MCTP2: variants seen among roughly 807,000 people sequenced by gnomAD.
MCTP2 encodes multiple C2 and transmembrane domain containing 2.
MCTP2 carries 132 observed loss-of-function variants against 111.6 expected under a neutral mutation model. That is an observed-to-expected ratio of 1.18 (90% CI 1.03 to 1.37). The LOEUF (loss-of-function observed/expected upper bound fraction) is 1.37. Ranked by LOEUF, MCTP2 falls within the 40% of genes most tolerant of loss-of-function variation. The probability of loss-of-function intolerance (pLI) is 0.00; values close to 1 mark genes in which losing one functional copy is unlikely to be tolerated. For missense variants in MCTP2, 1,183 were observed against 1,067.9 expected (o/e 1.11, Z -1.50); for synonymous variants, 395 against 387.7 (o/e 1.02, Z -0.22).
chr15:94,395,270 A>G (rs577555032), intron 14 of MCTP2, among the ~76,000 whole-genome samples: 32 of 152,366 alleles, frequency 2.1e-4, no homozygotes, highest in Admixed American at 6.5e-4. Context: ...TGCAGAGTGA[A>G]TAAGAGTGAA....
chr15:94,334,867 A>G (rs1460611010), intron 4 of MCTP2, among the ~76,000 whole-genome samples: 1 of 152,138 alleles, frequency 6.6e-6, no homozygotes, highest in Non-Finnish European at 1.5e-5. Flanking sequence ...TCTGTACTGC[A>G]TTTCTTAACA....
Position 94,482,368 on chromosome 15 carries a change from T to C in MCTP2, c.*3334T>C, listed in dbSNP as rs149134598. On this transcript the variant is annotated 3_prime_UTR_variant, in exon 23 of 23. Coordinates refer to ENST00000357742, the MANE Select transcript of MCTP2 (RefSeq NM_001385001.1). The stretch of plus-strand genomic sequence containing the variant: ...GGCACTGGGAAAAAAGTAAGTAGAA[T>C]TGAGAGATGGTGAAGAGATAAAGTG... 5.3e-5 allele frequency: 8 copies of C among 152,278 alleles called. No homozygotes were observed. The highest frequency in any genetic ancestry group is 1.3e-4 in the Admixed American group (2 of 15,294). The allele number at this position is 152,278 out of a possible 1,614,324, so 9.4% of individuals were successfully genotyped here. A position where few individuals can be genotyped will look rare whatever the true frequency, so the allele number is the denominator to read the frequency against.
intron 2 of MCTP2, among the ~76,000 whole-genome samples, chr15:94,305,138 G>GCC (rs2075819977): frequency 6.6e-6 from 1 of 152,048 alleles, no homozygotes; most frequent in South Asian, 2.1e-4. Flanking sequence ...CCTTTAGGAG[G>GCC]TGATTAAGGA....
At chr15:94,295,377 C>T (rs529858970) in intron 1 of MCTP2, among the ~76,000 whole-genome samples, 41 of 152,244 alleles carry the variant, frequency 2.7e-4, no homozygotes, top group African/African-American at 7.9e-4. Context: ...GTCTCCATCT[C>T]GATAGCTCTC....
intron 1 of MCTP2, among the ~76,000 whole-genome samples, chr15:94,252,619 C>T (rs985468036): frequency 6.6e-6 from 1 of 151,426 alleles, no homozygotes; most frequent in African/African-American, 2.4e-5. Flanking sequence ...TTATTCATGC[C>T]TCTGGTTTAC....
intron 1 of MCTP2, among the ~76,000 whole-genome samples, chr15:94,248,042 C>G (rs571869303): frequency 1.2e-4 from 19 of 152,124 alleles, no homozygotes; most frequent in African/African-American, 4.6e-4. Context: ...AATGTTGGAT[C>G]CTTAGGGCCA....
intron 21 of MCTP2, among the ~76,000 whole-genome samples, chr15:94,470,784 CACCT>C (rs3835081): frequency 0.47 from 70,786 of 151,604 alleles, 16,815 homozygotes; most frequent in East Asian, 0.55. Context: ...AGTGAGCAAA[CACCT>C]ACCTGCATCA....
chr15:94,372,079 T>C (rs149216528), intron 12 of MCTP2, among the ~76,000 whole-genome samples: 1 of 152,348 alleles, frequency 6.6e-6, no homozygotes, highest in African/African-American at 2.4e-5. Context: ...TGTTTTCATC[T>C]TGTTGTTTTA....
intron 12 of MCTP2, among the ~76,000 whole-genome samples, chr15:94,374,651 G>A (rs1172668929): frequency 6.6e-6 from 1 of 152,158 alleles, no homozygotes; most frequent in African/African-American, 2.4e-5. Context: ...ATTATTGTAA[G>A]AGACTTCCTT....
intron 1 of MCTP2, among the ~76,000 whole-genome samples, chr15:94,243,831 A>G (rs536779419): frequency 1.4e-5 from 2 of 148,126 alleles, no homozygotes; most frequent in African/African-American, 2.4e-5. Flanking sequence ...ACACATATGT[A>G]TATATTTATG....
At chr15:94,392,121 C>T (rs2081014523) in intron 14 of MCTP2, among the ~76,000 whole-genome samples, 1 of 152,090 alleles carries the variant, frequency 6.6e-6, no homozygotes, top group Admixed American at 6.5e-5. Flanking sequence ...CCTGTAATCC[C>T]AGCACTTTGG....
At chr15:94,464,283 G>A (rs143622140) in intron 20 of MCTP2, among the ~76,000 whole-genome samples, 11,263 of 66,118 alleles carry the variant, frequency 0.17, 993 homozygotes, top group Middle Eastern at 0.28. Context: ...ATATATAAAC[G>A]TCAGCCATTC....
At chr15:94,355,233 T>C (rs1447529646) in intron 8 of MCTP2, among the ~76,000 whole-genome samples, 1 of 152,166 alleles carries the variant, frequency 6.6e-6, no homozygotes, top group Non-Finnish European at 1.5e-5. Flanking sequence ...TAAAAACAAA[T>C]GTGGATTTTG....
intron 1 of MCTP2, among the ~76,000 whole-genome samples, chr15:94,242,941 A>ACC (rs2071095444): frequency 7.3e-6 from 1 of 136,108 alleles, no homozygotes; most frequent in South Asian, 2.4e-4. Context: ...ACACGTGTAT[A>ACC]TGTAGATACA....
At chr15:94,460,229 A>C (rs148219009) in intron 20 of MCTP2, among the ~76,000 whole-genome samples, 142 of 152,308 alleles carry the variant, frequency 9.3e-4, no homozygotes, top group Admixed American at 1.8e-3. Context: ...ACCGCAGGCA[A>C]TTCTGAAACA....
chr15:94,360,620 G>C (rs1418943471), intron 10 of MCTP2, among the ~76,000 whole-genome samples: 2 of 152,160 alleles, frequency 1.3e-5, no homozygotes, highest in Non-Finnish European at 2.9e-5. Context: ...TAATGCCCCT[G>C]CATTTCACAA....
chr15:94,352,583 A>G (rs1474213531), intron 8 of MCTP2, among the ~76,000 whole-genome samples: 3 of 152,162 alleles, frequency 2.0e-5, no homozygotes, highest in Non-Finnish European at 2.9e-5. Flanking sequence ...ACTTTTCACT[A>G]TCTCTTGGCG....
At position 94,300,367 on chromosome 15, in the gene MCTP2, G is replaced by A. The variant is rs185470148; in HGVS notation, c.465+1637G>A. On this transcript the variant is annotated intron_variant, in intron 2 of 22. Transcript: ENST00000357742. ...TACTAAAAATACAAAAAAATTAGCC[G>A]GGCGTGGTGGCGGGCACCTGTAGTC... 5.3e-3 allele frequency among the ~76,000 whole-genome samples: 799 copies of A among 151,934 alleles called. 4 individuals carry two copies. The highest frequency in any genetic ancestry group is 0.018 in the African/African-American group (754 of 41,432).
intron 20 of MCTP2, among the ~76,000 whole-genome samples, chr15:94,459,426 G>A (rs1240683736): frequency 1.3e-5 from 2 of 151,972 alleles, no homozygotes; most frequent in East Asian, 1.9e-4. Flanking sequence ...CATTGCCCTC[G>A]AATGCCCATT....
Sources: allele counts gnomAD v4.1 joint callset (sites outside exome capture counted in the v4.1 genomes callset), GRCh38; gene constraint gnomAD v4.1.1; transcripts MANE v1.5; gene names NCBI Gene and HGNC (gene_info 2026-07-23, HGNC 2026-07-21).